Variants in TCP1 observed in about 807,000 individuals in gnomAD.
TCP1 encodes t-complex 1.
In TCP1, 6 loss-of-function variants were observed where a neutral mutation model predicts 54.7. That is an observed-to-expected ratio of 0.11 (90% CI 0.06 to 0.22). The LOEUF (loss-of-function observed/expected upper bound fraction) is 0.22, where lower values mean the gene tolerates loss of function less well. Among genes scored for constraint, TCP1 ranks in the 10% least tolerant of loss-of-function variants. The pLI, the probability that TCP1 is intolerant of heterozygous loss-of-function variation, is 1.00. For missense variants in TCP1, 511 were observed against 678.2 expected, an observed-to-expected ratio of 0.75 and a Z score of 2.74; for synonymous variants, 225 against 229.7, an observed-to-expected ratio of 0.98 and a Z score of 0.19.
In TCP1 at chr6:159,789,480, C is replaced by G. The variant is rs766566323; in HGVS notation, c.-12G>C. ...AAAGGCCCCTCCATCTTGACGGCAG[C>G]GATACACGTCGAATTCTGCTTACAC... On this transcript the variant is annotated 5_prime_UTR_variant, in exon 1 of 12. Transcript: ENST00000321394. 2 of 1,613,820 alleles carry G rather than the reference C, an allele frequency of 1.2e-6. No individual in the cohort carries two copies. Among genetic ancestry groups the G allele is most frequent in the Non-Finnish European group, 1.7e-6 (2 of 1,179,836 alleles).
chr6:159,779,238 C>CCATTGCTCAA lies in TCP1; in HGVS notation c.1468_1477dup (p.Gly493ValfsTer5), dbSNP rs1161486708. 1 of 1,613,884 alleles carries CCATTGCTCAA rather than the reference C, an allele frequency of 6.2e-7. No homozygotes were observed. Among genetic ancestry groups the CCATTGCTCAA allele is most frequent in the Non-Finnish European group, 8.5e-7 (1 of 1,179,818 alleles). On this transcript the variant is annotated frameshift_variant, in exon 12 of 12. Coordinates refer to ENST00000321394, the MANE Select transcript of TCP1 (RefSeq NM_030752.3). LOFTEE classifies it high-confidence loss of function. ...TGCTTGTTTGTTGTCTCGAGGTTTA[C>CCATTGCTCAA]CATTGCTCAAATCAAGACCAATCCT... is the stretch of plus-strand genomic sequence containing the variant.
At position 159,789,538 on chromosome 6, in the gene TCP1, A is replaced by G; in HGVS notation, c.-70T>C. On this transcript the variant is annotated 5_prime_UTR_variant, in exon 1 of 12. Coordinates refer to ENST00000321394, the MANE Select transcript of TCP1 (RefSeq NM_030752.3). ...AACCAGTATCGCGGCCCCTCGGCCG[A>G]CCGGCGACCACAGCAGTGGCTGCGA... 1.3e-6 allele frequency: 2 copies of G among 1,574,880 alleles called. No individual in the cohort carries two copies. The highest frequency in any genetic ancestry group is 2.3e-5 in the East Asian group (1 of 43,414).
chr6:159,784,561 C>T, intron 6 of TCP1, 105 bp downstream of exon 6: 1 of 1,239,814 alleles, frequency 8.1e-7, no homozygotes, highest in Non-Finnish European at 1.1e-6. Flanking sequence ...GACTCAGCCT[C>T]CCAAAGTGCT....
At chr6:159,783,844 A>AC (rs1780631835) in intron 7 of TCP1, 97 bp downstream of exon 7, 2 of 1,457,050 alleles carry the variant, frequency 1.4e-6, no homozygotes, top group Admixed American at 2.5e-5. Flanking sequence ...CCACCAGGCT[A>AC]ATTTTTCTGG....
In TCP1 at chr6:159,784,656, CA is replaced by C; in HGVS notation, c.670+9del. 6.2e-7 allele frequency: 1 copy of C among 1,609,602 alleles called. No homozygotes were observed. Among genetic ancestry groups the C allele is most frequent in the South Asian group, 1.1e-5 (1 of 90,754 alleles). On this transcript the variant is annotated intron_variant, in intron 6 of 11. Coordinates refer to ENST00000321394, the MANE Select transcript of TCP1 (RefSeq NM_030752.3). ...CAATCTCATTCTATAAACCAAATCC[CA>C]AACCTTACCCTGGGATCCCACCACA...
Position 159,789,388 on chromosome 6 carries a change from G to A in TCP1, c.64+17C>T. 1.9e-6 allele frequency: 3 copies of A among 1,613,348 alleles called. No homozygotes were observed. The highest frequency in any genetic ancestry group is 8.5e-7 in the Non-Finnish European group (1 of 1,179,724). Reference sequence around the variant, plus strand: ...CTCCCCGGCCGCAAACCCGACCCAGGCCCGGCCCGCCCTTACCGTTTTGGG... The same window carrying A: ...CTCCCCGGCCGCAAACCCGACCCAGACCCGGCCCGCCCTTACCGTTTTGGG... On this transcript the variant is annotated intron_variant, in intron 1 of 11. Transcript: ENST00000321394.
intron 4 of TCP1, 115 bp from the exon 5 acceptor site, chr6:159,785,611 T>C (rs2114995911): frequency 1.1e-6 from 1 of 885,788 alleles, no homozygotes; most frequent in Admixed American, 1.7e-5. Context: ...CGTTCAGCCA[T>C]TTCATATAGG....
At chr6:159,787,630 T>C in intron 3 of TCP1, 113 bp downstream of exon 3, 1 of 1,332,638 alleles carries the variant, frequency 7.5e-7, no homozygotes, top group Admixed American at 2.3e-5. Context: ...CTTCTGGGCA[T>C]TCAGAATATG....
At chr6:159,786,436 T>G (rs1200919120) in intron 3 of TCP1, among the ~76,000 whole-genome samples, 1 of 152,184 alleles carries the variant, frequency 6.6e-6, no homozygotes, top group Non-Finnish European at 1.5e-5. Context: ...AATAAGAAAC[T>G]AGTTCATCAA....
chr6:159,788,508 G>A, intron 1 of TCP1: 1 of 197,286 alleles, frequency 5.1e-6, no homozygotes, highest in Non-Finnish European at 1.1e-5. Flanking sequence ...TCGTCTGGGC[G>A]ACAGGTGGGA....
Position 159,779,084 on chromosome 6 carries a change from A to G in TCP1, c.1632T>C (p.Ser544=). The change falls in exon 12 of 12, where the codon AGT becomes AGC. Residue 544 remains serine (S), a synonymous_variant. Transcript: ENST00000321394. ...CTCCAGAGTGAACAGCATCTTCATA[A>G]CTTCCATGTTTATCATCTTTACTTT... ...HPESKDDKHG[S]YEDAVHSGAL... is the part of the protein sequence containing the mutation. 6.2e-7 allele frequency: 1 copy of G among 1,614,124 alleles called. No individual in the cohort carries two copies. Among genetic ancestry groups the G allele is most frequent in the Non-Finnish European group, 8.5e-7 (1 of 1,179,970 alleles).
intron 9 of TCP1, 62 bp downstream of exon 9, chr6:159,780,381 G>C (rs768079095): frequency 3.8e-5 from 62 of 1,611,676 alleles, no homozygotes; most frequent in Non-Finnish European, 5.1e-5. Flanking sequence ...TAAATGGGAA[G>C]AAAACCTACT....
intron 9 of TCP1, 95 bp downstream of exon 9, chr6:159,780,348 A>G (rs1242785122): frequency 1.9e-6 from 3 of 1,559,958 alleles, no homozygotes; most frequent in Non-Finnish European, 2.6e-6. Context: ...TGCTCGTATC[A>G]CTGTGAGACT....
At chr6:159,782,587 C>G (rs1780601655) in intron 7 of TCP1, among the ~76,000 whole-genome samples, 1 of 152,102 alleles carries the variant, frequency 6.6e-6, no homozygotes, top group African/African-American at 2.4e-5. Context: ...AGGACATTTC[C>G]TAGTTTTCTG....
chr6:159,785,146 T>C, intron 5 of TCP1: 1 of 602,316 alleles, frequency 1.7e-6, no homozygotes. Flanking sequence ...AAAATTTTAT[T>C]GCACAAAATT....
At chr6:159,789,367 C>G (rs774344661) in intron 1 of TCP1, 38 bp downstream of exon 1, 1 of 1,611,606 alleles carries the variant, frequency 6.2e-7, no homozygotes, top group African/African-American at 1.3e-5. Context: ...TCGGCCCTCC[C>G]CGGCCGCAAA....
chr6:159,783,866 T>A, intron 7 of TCP1, 75 bp downstream of exon 7: 1 of 1,488,724 alleles, frequency 6.7e-7, no homozygotes, highest in South Asian at 1.4e-5. Context: ...AGTAAAATAG[T>A]TTGACTTGGC....
rs759798029 is a variant in TCP1, at chr6:159,778,584, G to A, written c.*461C>T. 62 of 1,513,010 alleles carry A rather than the reference G, an allele frequency of 4.1e-5. No homozygotes were observed. The highest frequency in any genetic ancestry group is 2.6e-4 in the Admixed American group (14 of 53,808). The allele number at this position is 1,513,010 out of a possible 1,614,324, so 93.7% of individuals were successfully genotyped here. On this transcript the variant is annotated 3_prime_UTR_variant, in exon 12 of 12. Transcript: ENST00000321394. ...AGGGTAGCATGCTGATACATTAAGAGGAAAAAGACAAGTTTAAGATTTTAA... is the reference window on the plus strand; with the variant it reads ...AGGGTAGCATGCTGATACATTAAGAAGAAAAAGACAAGTTTAAGATTTTAA...
At chr6:159,789,054 T>G in intron 1 of TCP1, 1 of 304,954 alleles carries the variant, frequency 3.3e-6, no homozygotes, top group Non-Finnish European at 6.2e-6. Flanking sequence ...ACATGGACAC[T>G]CAGGGGGTCG....
Sources: allele counts gnomAD v4.1 joint callset (sites outside exome capture counted in the v4.1 genomes callset), GRCh38; gene constraint gnomAD v4.1.1; transcripts MANE v1.5; gene names NCBI Gene and HGNC (gene_info 2026-07-23, HGNC 2026-07-21).